DYSF: variants seen among roughly 807,000 people sequenced by gnomAD.
DYSF encodes the protein dysferlin.
In DYSF, 212 loss-of-function variants were observed where a neutral mutation model predicts 274.9. The ratio of observed to expected loss-of-function variants is 0.77; its 90% CI spans 0.69 to 0.86. The LOEUF is 0.86. Among genes scored for constraint, DYSF ranks in the 40% least tolerant of loss-of-function variants. The pLI, the probability that DYSF is intolerant of heterozygous loss-of-function variation, is 0.00. For missense variants in DYSF, 2,666 were observed against 2,783.2 expected, an observed-to-expected ratio of 0.96 and a Z score of 0.95; for synonymous variants, 1,091 against 1,078.7, an observed-to-expected ratio of 1.01 and a Z score of -0.22.
intron 10 of DYSF, among the ~76,000 whole-genome samples, chr2:71,517,548 G>C (rs760940684): frequency 3.9e-5 from 6 of 151,930 alleles, no homozygotes; most frequent in Non-Finnish European, 7.4e-5. Context: ...CCTGGTAATC[G>C]GGGTGACCAT....
intron 52 of DYSF, among the ~76,000 whole-genome samples, chr2:71,675,553 C>A (rs571362270): frequency 6.6e-6 from 1 of 152,272 alleles, no homozygotes; most frequent in Non-Finnish European, 1.5e-5. Context: ...CTTGACTGTT[C>A]CCCCGCCCTG....
At chr2:71,628,174 A>G (rs2094244718) in intron 41 of DYSF, among the ~76,000 whole-genome samples, 2 of 151,682 alleles carry the variant, frequency 1.3e-5, no homozygotes, top group South Asian at 2.1e-4. Context: ...ATATGTTTCT[A>G]TTTCTTTAGT....
At chr2:71,586,200 C>G (rs1030894310) in intron 30 of DYSF, among the ~76,000 whole-genome samples, 1 of 152,050 alleles carries the variant, frequency 6.6e-6, no homozygotes, top group Non-Finnish European at 1.5e-5. Context: ...AGGATGTTGG[C>G]CAGGCGTGTG....
chr2:71,497,264 G>C (rs1010134667), intron 3 of DYSF, among the ~76,000 whole-genome samples: 1 of 151,594 alleles, frequency 6.6e-6, no homozygotes, highest in African/African-American at 2.4e-5. Context: ...CGAAAATTCA[G>C]AGGCTAGAGT....
At position 71,686,479 on chromosome 2, in the gene DYSF, A is replaced by T. The variant is rs1296063385; in HGVS notation, c.6347A>T (p.Lys2116Met). Residue 2116 changes from lysine to methionine, a missense_variant, in exon 56 of 56, where the codon AAG (lysine) becomes ATG (methionine). Around this residue, in one of 3 missense-constraint regions of DYSF, gnomAD observed 1,460 missense variants for 1,502.1 expected, o/e 0.97. Transcript: ENST00000410020. ...AACTATGCTGCCATGAAGCTGGTGAAGCCCTTCAGCTGAGGACTCTCCTGC... is the reference window on the plus strand; with the variant it reads ...AACTATGCTGCCATGAAGCTGGTGATGCCCTTCAGCTGAGGACTCTCCTGC... ...FPNYAAMKLV[K>M]PFS is the part of the protein sequence containing the mutation. The T allele has an allele frequency of 6.2e-7, 1 of 1,613,996 alleles. No homozygotes were observed. Among genetic ancestry groups the T allele is most frequent in the African/African-American group, 1.3e-5 (1 of 74,920 alleles).
chr2:71,599,738 T>A (rs1574270567), intron 33 of DYSF, among the ~76,000 whole-genome samples: 1 of 152,028 alleles, frequency 6.6e-6, no homozygotes. Context: ...AGGGGCTGGG[T>A]TTGGAAGACA....
chr2:71,544,261 G>A (rs2090277110), intron 17 of DYSF, among the ~76,000 whole-genome samples: 2 of 152,108 alleles, frequency 1.3e-5, no homozygotes, highest in East Asian at 1.9e-4. Context: ...TCACAGATAG[G>A]GTGTGTGGGT....
intron 36 of DYSF, among the ~76,000 whole-genome samples, chr2:71,609,631 A>G (rs1217074807): frequency 6.6e-6 from 1 of 152,222 alleles, no homozygotes; most frequent in Non-Finnish European, 1.5e-5. Flanking sequence ...AAGTTGAGTA[A>G]TCTGTCCAAG....
intron 1 of DYSF, among the ~76,000 whole-genome samples, chr2:71,469,226 T>C (rs1416830177): frequency 2.0e-5 from 3 of 152,044 alleles, no homozygotes; most frequent in African/African-American, 4.8e-5. Context: ...TGGGGCTGAG[T>C]TGATGCCTAA....
At chr2:71,612,856 G>A in intron 39 of DYSF, 50 bp downstream of exon 39, 1 of 1,580,626 alleles carries the variant, frequency 6.3e-7, no homozygotes, top group Non-Finnish European at 8.6e-7. Context: ...GAGCCTCAGG[G>A]CCAAGCTACC....
At chr2:71,564,277 T>C in intron 24 of DYSF, 64 bp downstream of exon 24, 1 of 1,599,380 alleles carries the variant, frequency 6.3e-7, no homozygotes, top group Non-Finnish European at 8.6e-7. Flanking sequence ...TTCTCCCATC[T>C]CTTCTGTTTC....
chr2:71,570,192 C>T, intron 27 of DYSF, 37 bp from the exon 28 acceptor site: 1 of 1,572,554 alleles, frequency 6.4e-7, no homozygotes, highest in Non-Finnish European at 8.8e-7. Context: ...ATCTGTCTGT[C>T]TCCTCTCATT....
In DYSF at chr2:71,481,971, G is replaced by A; in HGVS notation, c.239+1G>A. The A allele has an allele frequency of 1.2e-6, 2 of 1,613,796 alleles. No individual in the cohort carries two copies. Among genetic ancestry groups the A allele is most frequent in the East Asian group, 2.2e-5 (1 of 44,872 alleles). On this transcript the variant is annotated splice_donor_variant, in intron 3 of 55. Transcript: ENST00000410020. LOFTEE classifies it high-confidence loss of function. Reference sequence around the variant, plus strand: ...ACCATGAGACGATGGGGAGGAACAGGTAAGGTGGCCAGAGGGGGGTGCTCC... The same window carrying A: ...ACCATGAGACGATGGGGAGGAACAGATAAGGTGGCCAGAGGGGGGTGCTCC...
chr2:71,556,262 T>C (rs2091332041), intron 22 of DYSF, among the ~76,000 whole-genome samples, 191 bp downstream of exon 22: 1 of 152,202 alleles, frequency 6.6e-6, no homozygotes, highest in Non-Finnish European at 1.5e-5. Flanking sequence ...TGAGAGCAGG[T>C]CATAAATCTC....
At chr2:71,637,097 AG>A (rs2094416241) in intron 41 of DYSF, among the ~76,000 whole-genome samples, 2 of 152,346 alleles carry the variant, frequency 1.3e-5, no homozygotes, top group African/African-American at 4.8e-5. Flanking sequence ...TTTTCTATAA[AG>A]GGGCGAAGGT....
At chr2:71,556,440 GT>G (rs2091347329) in intron 22 of DYSF, among the ~76,000 whole-genome samples, 1 of 152,166 alleles carries the variant, frequency 6.6e-6, no homozygotes, top group Non-Finnish European at 1.5e-5. Flanking sequence ...GGGGATCATG[GT>G]TTCTGTTTAG....
chr2:71,643,867 C>A, intron 41 of DYSF, 98 bp from the exon 42 acceptor site: 1 of 916,426 alleles, frequency 1.1e-6, no homozygotes, highest in Non-Finnish European at 1.8e-6. Flanking sequence ...CCTTGTGGTC[C>A]AGAGCGGCCT....
chr2:71,545,695 A>G (rs2090414145), intron 17 of DYSF, among the ~76,000 whole-genome samples: 1 of 152,088 alleles, frequency 6.6e-6, no homozygotes, highest in South Asian at 2.1e-4. Flanking sequence ...GGCATTTCTG[A>G]CTGTTTTCCG....
intron 42 of DYSF, among the ~76,000 whole-genome samples, chr2:71,650,733 G>A (rs2094641876): frequency 6.6e-6 from 1 of 152,090 alleles, no homozygotes; most frequent in African/African-American, 2.4e-5. Context: ...AAGCCCAAAA[G>A]GCCTCTTCTA....
Sources: allele counts gnomAD v4.1 joint callset (sites outside exome capture counted in the v4.1 genomes callset), GRCh38; gene constraint gnomAD v4.1.1; regional missense constraint gnomAD v4.1.1; transcripts MANE v1.5; gene names NCBI Gene and HGNC (gene_info 2026-07-23, HGNC 2026-07-21).